The following IGF2R variants were observed in gnomAD, a reference collection of about 807,000 sequenced individuals.
IGF2R encodes the protein insulin like growth factor 2 receptor, also known as cation-independent mannose-6-phosphate receptor.
IGF2R carries 91 observed loss-of-function variants against 270.6 expected under a neutral mutation model. The ratio of observed to expected loss-of-function variants is 0.34; its 90% CI spans 0.28 to 0.40. The LOEUF is 0.40. Among genes scored for constraint, IGF2R ranks in the 10% least tolerant of loss-of-function variants. IGF2R has a pLI of 1.00. For synonymous variants in IGF2R, 1,316 were observed against 1,258.9 expected, an observed-to-expected ratio of 1.05 and a Z score of -0.96; for missense variants, 2,805 against 3,188.3, an observed-to-expected ratio of 0.88 and a Z score of 2.90.
rs1225485459 is a variant in IGF2R at position 160,029,565 on chromosome 6, C to T, written c.792C>T (p.Tyr264=). Residue 264 remains tyrosine (Y), a synonymous_variant, in exon 7 of 48, where the codon TAC becomes TAT. Transcript: ENST00000356956. The part of the protein sequence containing the change: ...LVRKDRLVLS[Y]VREEAGKLDF... ...GCTCTCCCAGGCTTGTCCTGAGTTACGTGAGGGAAGAGGCAGGAAAGCTAG... is the reference window on the plus strand; with the variant it reads ...GCTCTCCCAGGCTTGTCCTGAGTTATGTGAGGGAAGAGGCAGGAAAGCTAG... 5 of 1,613,046 alleles carry T rather than the reference C, an allele frequency of 3.1e-6. No homozygotes were observed. The highest frequency in any genetic ancestry group is 1.3e-5 in the African/African-American group (1 of 75,004).
chr6:160,041,996 C>A, intron 11 of IGF2R, among the ~76,000 whole-genome samples: 1 of 148,524 alleles, frequency 6.7e-6, no homozygotes, highest in Non-Finnish European at 1.5e-5. Context: ...CTTAAGTTAA[C>A]TTTTTTTTTT....
At chr6:159,994,886 C>T (rs776876161) in intron 2 of IGF2R, among the ~76,000 whole-genome samples, 1 of 152,104 alleles carries the variant, frequency 6.6e-6, no homozygotes, top group Non-Finnish European at 1.5e-5. Context: ...GGAGACTGTT[C>T]CATGTGCTAA....
intron 27 of IGF2R, among the ~76,000 whole-genome samples, chr6:160,064,065 G>T (rs932766280): frequency 1.3e-5 from 2 of 152,210 alleles, no homozygotes; most frequent in Admixed American, 1.3e-4. Flanking sequence ...AATACATTTA[G>T]GAACTTGTAA....
intron 2 of IGF2R, chr6:160,006,819 C>T (rs979603992): frequency 6.6e-6 from 1 of 151,830 alleles, no homozygotes; most frequent in Non-Finnish European, 1.5e-5. Context: ...CTGTTTCCAA[C>T]AAAAATCTAG....
Position 160,043,262 on chromosome 6 carries a change from C to A in IGF2R, c.1595C>A (p.Pro532His). The A allele has an allele frequency of 6.2e-7, 1 of 1,614,142 alleles. No homozygotes were observed. The highest frequency in any genetic ancestry group is 8.5e-7 in the Non-Finnish European group (1 of 1,180,016). Residue 532 changes from proline (P) to histidine (H), a missense_variant, in exon 12 of 48, where the codon CCC becomes CAC. Physicochemically the swap from Pro to His is moderately conservative, Grantham distance 77. This residue lies in a region of IGF2R where 954 missense variants were observed against 981.1 expected (regional missense o/e 0.97). Transcript: ENST00000356956. Reference sequence around the variant, plus strand: ...CAGGAAGGCAAGGCACGAGGGTGTCCCGAGGACGCGGCAGTGTGTGCAGTG... The same window carrying A: ...CAGGAAGGCAAGGCACGAGGGTGTCACGAGGACGCGGCAGTGTGTGCAGTG... ...VLQEGKARGC[P>H]EDAAVCAVDK... is the part of the protein sequence containing the mutation.
At chr6:160,088,256 C>T in intron 42 of IGF2R, 109 bp downstream of exon 42, 1 of 731,438 alleles carries the variant, frequency 1.4e-6, no homozygotes, top group South Asian at 1.5e-5. Flanking sequence ...GAGCTCAGGG[C>T]CAGAGCCGCT....
In IGF2R at chr6:160,084,846, G is replaced by T; in HGVS notation, c.6069-149G>T. 1 of 723,914 alleles carries T rather than the reference G, an allele frequency of 1.4e-6. No homozygotes were observed. Among genetic ancestry groups the T allele is most frequent in the Non-Finnish European group, 2.2e-6 (1 of 451,180 alleles). The allele number at this position is 723,914 out of a possible 1,614,324, so 44.8% of individuals were successfully genotyped here. A position where few individuals can be genotyped will look rare whatever the true frequency, so the allele number is the denominator to read the frequency against. On this transcript the variant is annotated intron_variant, in intron 40 of 47. Transcript: ENST00000356956. The surrounding 1 kb of genome is among the most constrained non-coding windows in gnomAD (Gnocchi z 4.6). ...CTTTTGCCCTTTTTTTTTTTAATTG[G>T]AAAAGCTATTTTAGTGCTACATTCA...
chr6:160,034,397 C>G (rs1201326621), intron 9 of IGF2R, 22 bp from the exon 10 acceptor site: 3 of 1,452,828 alleles, frequency 2.1e-6, no homozygotes, highest in Non-Finnish European at 1.9e-6. Context: ...ACACATTTGT[C>G]TGTGTATTCA....
intron 1 of IGF2R, among the ~76,000 whole-genome samples, chr6:159,980,209 A>AGAGAGAGAGAGAGAGAGAGAG (rs200140157): frequency 1.0e-5 from 1 of 98,654 alleles, no homozygotes; most frequent in Non-Finnish European, 2.0e-5. Flanking sequence ...GAAAGAAAGA[A>AGAGAGAGAGAGAGAGAGAGAG]AGAAAGAAAG....
chr6:160,058,841 T>C (rs1186166065), intron 21 of IGF2R, 65 bp from the exon 22 acceptor site: 2 of 1,403,310 alleles, frequency 1.4e-6, no homozygotes, highest in South Asian at 1.2e-5. Flanking sequence ...GTTGCTAGGG[T>C]TCTTGTCTGT....
intron 4 of IGF2R, among the ~76,000 whole-genome samples, chr6:160,015,159 A>G (rs1777256108): frequency 6.6e-6 from 1 of 152,246 alleles, no homozygotes; most frequent in Non-Finnish European, 1.5e-5. Context: ...TGAAAGCTAA[A>G]TATTAAGCAG....
intron 42 of IGF2R, 51 bp downstream of exon 42, chr6:160,088,198 G>A (rs768627662): frequency 1.2e-5 from 14 of 1,180,438 alleles, no homozygotes; most frequent in Non-Finnish European, 1.8e-5. Context: ...CATACTGGAG[G>A]GAATTCCTCC....
At position 160,105,776 on chromosome 6, in the gene IGF2R, A is replaced by G. The variant is rs887449293; in HGVS notation, c.*692A>G. On this transcript the variant is annotated 3_prime_UTR_variant, in exon 48 of 48. Coordinates refer to ENST00000356956, the MANE Select transcript of IGF2R (RefSeq NM_000876.4). ...AGGTTTTGGAGAGTTTGCCTGTTCT[A>G]TGCCTTTAGTCAGGAATGGCTGCAC... 1 of 152,694 alleles carries G rather than the reference A, an allele frequency of 6.5e-6. No individual in the cohort carries two copies. Among genetic ancestry groups the G allele is most frequent in the East Asian group, 1.9e-4 (1 of 5,200 alleles). 9.5% of individuals were successfully genotyped at this position (152,694 alleles called of 1,614,324 possible).
intron 5 of IGF2R, 130 bp downstream of exon 5, chr6:160,024,834 T>C (rs1442006318): frequency 6.8e-6 from 7 of 1,035,322 alleles, no homozygotes; most frequent in Non-Finnish European, 9.8e-6. Context: ...ATAAAGCTTT[T>C]GTCCCCAAAA....
intron 36 of IGF2R, among the ~76,000 whole-genome samples, chr6:160,076,993 G>T (rs950045128): frequency 6.6e-6 from 1 of 152,164 alleles, no homozygotes; most frequent in African/African-American, 2.4e-5. Flanking sequence ...CCTGGAGCAG[G>T]TTTGTAAAGG....
intron 1 of IGF2R, 113 bp downstream of exon 1, chr6:159,969,508 C>A: frequency 1.3e-6 from 1 of 799,414 alleles, no homozygotes; most frequent in Non-Finnish European, 1.6e-6. Flanking sequence ...GCCTCCGTTC[C>A]GCGCCGGGGT....
Position 160,017,107 on chromosome 6 carries a change from A to C in IGF2R, c.513+6322A>C, listed in dbSNP as rs1286701227. The stretch of plus-strand genomic sequence containing the variant: ...AGATACATGAGAAAGTTGAAAACCA[A>C]TACAAAGAGATCAGAATATCAATCC... On this transcript the variant is annotated intron_variant, in intron 4 of 47. Transcript: ENST00000356956. Among the ~76,000 whole-genome samples the C allele has an allele frequency of 3.9e-5, 6 of 152,248 alleles. No individual in the cohort carries two copies. The East Asian group carries it at 1.2e-3, about 29-fold the overall frequency.
intron 45 of IGF2R, among the ~76,000 whole-genome samples, chr6:160,097,325 T>C (rs1221052114): frequency 2.0e-5 from 3 of 152,174 alleles, no homozygotes; most frequent in Non-Finnish European, 4.4e-5. Flanking sequence ...TGTATTTATA[T>C]TTATTTTTAT....
intron 13 of IGF2R, 76 bp from the exon 14 acceptor site, chr6:160,045,669 C>A: frequency 6.4e-7 from 1 of 1,567,438 alleles, no homozygotes; most frequent in South Asian, 1.1e-5. Flanking sequence ...AAGTCTACTT[C>A]TAGCAGAGAA....
Sources: gnomAD v4.1 joint callset for allele counts (sites outside exome capture counted in the v4.1 genomes callset) on GRCh38, gnomAD v4.1.1 for gene constraint, gnomAD v4.1.1 regional missense constraint, Gnocchi (gnomAD v3.1) non-coding constraint, MANE v1.5 for transcripts, NCBI Gene and HGNC (gene_info 2026-07-23, HGNC 2026-07-21) for gene names.